CARMIL1: variants seen among roughly 807,000 people sequenced by gnomAD.
CARMIL1 encodes capping protein regulator and myosin 1 linker 1.
A neutral mutation model predicts 177.1 loss-of-function variants in CARMIL1; 90 were observed. The ratio of observed to expected loss-of-function variants is 0.51; its 90% CI spans 0.43 to 0.61. CARMIL1 has a LOEUF of 0.61. Ranked by LOEUF, CARMIL1 falls within the 20% of genes least tolerant of loss-of-function variation. The pLI is 0.00. For synonymous variants in CARMIL1, 577 were observed against 606.2 expected, an observed-to-expected ratio of 0.95 and a Z score of 0.71; for missense variants, 1,380 against 1,667.0, an observed-to-expected ratio of 0.83 and a Z score of 3.00.
At chr6:25,435,433 AC>A in intron 4 of CARMIL1, 49 bp from the exon 5 acceptor site, 2 of 1,525,516 alleles carry the variant, frequency 1.3e-6, no homozygotes, top group East Asian at 2.5e-5. Context: ...ATAATTAAAA[AC>A]GGAAGGAATT....
chr6:25,305,657 A>T (rs1435773606), intron 2 of CARMIL1, among the ~76,000 whole-genome samples: 2 of 152,212 alleles, frequency 1.3e-5, no homozygotes, highest in Non-Finnish European at 1.5e-5. Context: ...TCACACGGAA[A>T]CTATTGATAA....
rs762977956 is a variant in CARMIL1 at position 25,606,124 on chromosome 6, C to T, written c.3698C>T (p.Thr1233Ile). 1.9e-6 allele frequency: 3 copies of T among 1,613,928 alleles called. No individual in the cohort carries two copies. Among genetic ancestry groups the T allele is most frequent in the Admixed American group, 3.3e-5 (2 of 60,016 alleles). ...RFGLGTPEKN[T>I]KAEPKAEAGS... is the part of the protein sequence containing the mutation. ...GGTTTGGGAACACCAGAAAAGAATACCAAAGCAGAACCCAAAGCGGAAGCA... is the reference window on the plus strand; with the variant it reads ...GGTTTGGGAACACCAGAAAAGAATATCAAAGCAGAACCCAAAGCGGAAGCA... The change falls in exon 35 of 37, where the codon ACC (threonine) becomes ATC (isoleucine). Residue 1233 changes from threonine to isoleucine, a missense_variant. Physicochemically the swap from Thr to Ile is moderately conservative, Grantham distance 89 (BLOSUM62 -1). Transcript: ENST00000329474.
chr6:25,593,245 C>G (rs1814492511), intron 31 of CARMIL1, among the ~76,000 whole-genome samples: 1 of 152,166 alleles, frequency 6.6e-6, no homozygotes, highest in South Asian at 2.1e-4. Context: ...TCATCACCTC[C>G]AGATTACATT....
intron 2 of CARMIL1, among the ~76,000 whole-genome samples, chr6:25,412,242 C>A (rs79853193): frequency 0.015 from 2,300 of 152,312 alleles, 50 homozygotes; most frequent in African/African-American, 0.044. Flanking sequence ...TCATTTAACC[C>A]TCATCATTCC....
chr6:25,341,060 T>TACACA (rs1786875719), intron 2 of CARMIL1, among the ~76,000 whole-genome samples: 1 of 152,126 alleles, frequency 6.6e-6, no homozygotes, highest in African/African-American at 2.4e-5. Flanking sequence ...GTTAATATAC[T>TACACA]GTGTGTCAGG....
intron 16 of CARMIL1, among the ~76,000 whole-genome samples, chr6:25,495,756 A>G (rs568686962): frequency 2.0e-5 from 3 of 152,088 alleles, no homozygotes; most frequent in Admixed American, 6.5e-5. Context: ...GTGTAGGTAT[A>G]GTGGTGAAGT....
chr6:25,533,409 C>T (rs891398173), intron 24 of CARMIL1, among the ~76,000 whole-genome samples: 3 of 152,180 alleles, frequency 2.0e-5, no homozygotes, highest in African/African-American at 7.2e-5. Context: ...CTTTAAGCCT[C>T]AGTTTTTTCA....
Position 25,375,118 on chromosome 6 carries a change from A to G in CARMIL1, c.139-44996A>G, listed in dbSNP as rs1790845078. Among the ~76,000 whole-genome samples the G allele has an allele frequency of 3.3e-5, 5 of 152,310 alleles. No homozygotes were observed. The South Asian group carries it at 1.0e-3, about 32-fold the overall frequency. On this transcript the variant is annotated intron_variant, in intron 2 of 36. Coordinates refer to ENST00000329474, the MANE Select transcript of CARMIL1 (RefSeq NM_017640.6). ...AAGTTTTATGCTTTCTAGAGGTTCTATTCTGGTGCATATCAACCTTTTGAT... is the reference window on the plus strand; with the variant it reads ...AAGTTTTATGCTTTCTAGAGGTTCTGTTCTGGTGCATATCAACCTTTTGAT...
intron 32 of CARMIL1, among the ~76,000 whole-genome samples, chr6:25,599,662 G>A (rs1301977162): frequency 1.3e-5 from 2 of 152,182 alleles, no homozygotes; most frequent in Non-Finnish European, 1.5e-5. Context: ...AGCAAAGTTT[G>A]GTTTATGCAA....
intron 2 of CARMIL1, among the ~76,000 whole-genome samples, chr6:25,347,602 G>A (rs1175454582): frequency 6.6e-6 from 1 of 152,182 alleles, no homozygotes. Flanking sequence ...ATTTTTGAAA[G>A]ATCATTTTAC....
At chr6:25,447,861 C>T (rs1338915357) in intron 5 of CARMIL1, among the ~76,000 whole-genome samples, 1 of 152,108 alleles carries the variant, frequency 6.6e-6, no homozygotes, top group African/African-American at 2.4e-5. Context: ...CCATTCTTAA[C>T]TGCTCAGCCC....
At chr6:25,601,558 T>C (rs1334621795) in intron 33 of CARMIL1, among the ~76,000 whole-genome samples, 3 of 152,222 alleles carry the variant, frequency 2.0e-5, no homozygotes, top group Non-Finnish European at 4.4e-5. Context: ...ACCTAAAAAT[T>C]ATTCTCTTTT....
At chr6:25,343,759 A>C (rs760864) in intron 2 of CARMIL1, among the ~76,000 whole-genome samples, 1 of 151,884 alleles carries the variant, frequency 6.6e-6, no homozygotes, top group Non-Finnish European at 1.5e-5. Flanking sequence ...TGGGAGCATG[A>C]CCTTCATCTC....
Position 25,606,132 on chromosome 6 carries a change from G to A in CARMIL1, c.3706G>A (p.Glu1236Lys), listed in dbSNP as rs768701462. 6.2e-7 allele frequency: 1 copy of A among 1,613,940 alleles called. No homozygotes were observed. Among genetic ancestry groups the A allele is most frequent in the Non-Finnish European group, 8.5e-7 (1 of 1,179,882 alleles). The change falls in exon 35 of 37, where the codon GAA (glutamate) becomes AAA (lysine). Residue 1236 changes from glutamate (E) to lysine (K), a missense_variant. Physicochemically the swap from Glu to Lys is moderately conservative, Grantham distance 56 (BLOSUM62 1). Coordinates refer to ENST00000329474, the MANE Select transcript of CARMIL1 (RefSeq NM_017640.6). ...LGTPEKNTKAEPKAEAGSRSR... is the reference protein window; with the variant it reads ...LGTPEKNTKAKPKAEAGSRSR... Reference sequence around the variant, plus strand: ...AACACCAGAAAAGAATACCAAAGCAGAACCCAAAGCGGAAGCAGGCTCCAG... The same window carrying A: ...AACACCAGAAAAGAATACCAAAGCAAAACCCAAAGCGGAAGCAGGCTCCAG...
intron 29 of CARMIL1, among the ~76,000 whole-genome samples, chr6:25,568,405 A>G (rs1018369308): frequency 6.6e-6 from 1 of 152,214 alleles, no homozygotes; most frequent in African/African-American, 2.4e-5. Context: ...CTAGGACCAC[A>G]TGGTGCTCTA....
chr6:25,392,921 C>T (rs919852113), intron 2 of CARMIL1, among the ~76,000 whole-genome samples: 2 of 151,916 alleles, frequency 1.3e-5, no homozygotes, highest in Non-Finnish European at 2.9e-5. Context: ...TCCTGATCTT[C>T]CTCCCTCCTT....
At chr6:25,319,591 A>G (rs1784530831) in intron 2 of CARMIL1, among the ~76,000 whole-genome samples, 1 of 152,048 alleles carries the variant, frequency 6.6e-6, no homozygotes, top group Non-Finnish European at 1.5e-5. Flanking sequence ...CCCTAATCTA[A>G]TCTCATGAAA....
chr6:25,476,519 C>T (rs1359456706), intron 11 of CARMIL1, among the ~76,000 whole-genome samples: 3 of 152,202 alleles, frequency 2.0e-5, no homozygotes, highest in Admixed American at 6.5e-5. Flanking sequence ...GCCTCCTGAA[C>T]ACAAATTCTT....
intron 2 of CARMIL1, among the ~76,000 whole-genome samples, chr6:25,378,942 C>T (rs756160869): frequency 3.3e-5 from 5 of 150,482 alleles, no homozygotes; most frequent in Non-Finnish European, 7.4e-5. Context: ...AGTTAGTGTA[C>T]AATTTAGGGA....
Sources: allele counts gnomAD v4.1 joint callset (sites outside exome capture counted in the v4.1 genomes callset), GRCh38; gene constraint gnomAD v4.1.1; transcripts MANE v1.5; gene names NCBI Gene and HGNC (gene_info 2026-07-23, HGNC 2026-07-21).